The following PTBP2 variants were observed in gnomAD, a reference collection of about 807,000 sequenced individuals.
PTBP2 encodes polypyrimidine tract-binding protein 2.
PTBP2 carries 13 observed loss-of-function variants against 61.4 expected under a neutral mutation model. That is an observed-to-expected ratio of 0.21 (90% CI 0.14 to 0.34). The LOEUF is 0.34. PTBP2 is among the 10% of genes least tolerant of loss of function. PTBP2 has a pLI of 1.00. For missense variants in PTBP2, 405 were observed against 642.6 expected (o/e 0.63, Z 4.00); for synonymous variants, 215 against 218.5 (o/e 0.98, Z 0.14).
At chr1:96,757,975 G>A (rs928119213) in intron 3 of PTBP2, among the ~76,000 whole-genome samples, 1 of 151,948 alleles carries the variant, frequency 6.6e-6, no homozygotes, top group Non-Finnish European at 1.5e-5. Context: ...ATTTAAGACT[G>A]ACCAAGGAAA....
At chr1:96,808,851 A>G (rs143236735) in intron 11 of PTBP2, among the ~76,000 whole-genome samples, 93 of 152,152 alleles carry the variant, frequency 6.1e-4, no homozygotes, top group Non-Finnish European at 1.2e-4. Context: ...ACAAAACTCT[A>G]TGGTGTACTA....
Position 96,813,511 on chromosome 1 carries a change from T to G in PTBP2, c.*106T>G. Reference sequence around the variant, plus strand: ...GAGTTTGATTTTTTTTGTTTTTGTTTTTTTGGGGTTTCTTTTTTTTTTCCA... The same window carrying G: ...GAGTTTGATTTTTTTTGTTTTTGTTGTTTTGGGGTTTCTTTTTTTTTTCCA... On this transcript the variant is annotated 3_prime_UTR_variant, in exon 14 of 14. Transcript: ENST00000674951. The G allele has an allele frequency of 8.5e-7, 1 of 1,172,496 alleles. No individual in the cohort carries two copies. The highest frequency in any genetic ancestry group is 1.1e-6 in the Non-Finnish European group (1 of 873,654). The allele number at this position is 1,172,496 out of a possible 1,614,324, so 72.6% of individuals were successfully genotyped here.
intron 3 of PTBP2, among the ~76,000 whole-genome samples, chr1:96,764,785 A>G (rs569925577): frequency 1.3e-5 from 2 of 152,224 alleles, no homozygotes; most frequent in Non-Finnish European, 2.9e-5. Context: ...CTTATTTCAT[A>G]GTGTTACTAT....
At chr1:96,784,304 T>TG (rs140291594) in intron 7 of PTBP2, among the ~76,000 whole-genome samples, 6,812 of 152,164 alleles carry the variant, frequency 0.045, 470 homozygotes, top group African/African-American at 0.15. Context: ...TTAATAACCC[T>TG]TGAAGAAGCA....
chr1:96,763,895 T>TTTA lies in PTBP2; in HGVS notation c.116-5808_116-5807insTTA, dbSNP rs1224937112. Among the ~76,000 whole-genome samples the TTTA allele has an allele frequency of 3.3e-5, 5 of 152,290 alleles. No homozygotes were observed. The East Asian group carries it at 9.7e-4, about 29-fold the overall frequency. ...CTGTTGCTTATAAGAGCAAATAGCA[T>TTTA]AAAAGACCTTTAAAAATTGGTGATT... is the stretch of plus-strand genomic sequence containing the variant. On this transcript the variant is annotated intron_variant, in intron 3 of 13. Transcript: ENST00000674951.
chr1:96,769,092 G>A (rs1308947458), intron 3 of PTBP2, among the ~76,000 whole-genome samples: 2 of 151,972 alleles, frequency 1.3e-5, no homozygotes, highest in African/African-American at 4.8e-5. Context: ...GATACTCTCG[G>A]AGAAATGCAT....
intron 5 of PTBP2, among the ~76,000 whole-genome samples, chr1:96,777,312 T>C (rs955566199): frequency 6.6e-6 from 1 of 152,184 alleles, no homozygotes; most frequent in Non-Finnish European, 1.5e-5. Context: ...ATCTTGTTCT[T>C]TTGAGAATAA....
chr1:96,726,006 C>T (rs897068501), intron 2 of PTBP2, among the ~76,000 whole-genome samples: 2 of 127,584 alleles, frequency 1.6e-5, no homozygotes, highest in Non-Finnish European at 3.1e-5. Context: ...ACCTGCGAGG[C>T]AGAGGTTGCA....
intron 3 of PTBP2, among the ~76,000 whole-genome samples, chr1:96,759,760 T>C (rs1570820250): frequency 6.6e-6 from 1 of 152,204 alleles, no homozygotes; most frequent in Non-Finnish European, 1.5e-5. Context: ...GAGAATATAA[T>C]ATTTGTGTAT....
chr1:96,741,672 A>G (rs962703055), intron 2 of PTBP2, among the ~76,000 whole-genome samples: 18 of 152,122 alleles, frequency 1.2e-4, no homozygotes, highest in African/African-American at 4.3e-4. Context: ...TTTTCTTTTA[A>G]AAAAACATTT....
intron 8 of PTBP2, among the ~76,000 whole-genome samples, chr1:96,802,538 A>T (rs1385713674): frequency 6.6e-6 from 1 of 152,182 alleles, no homozygotes; most frequent in Non-Finnish European, 1.5e-5. Context: ...TTCCTGTTAG[A>T]ATTAAAAGTG....
At chr1:96,791,144 T>C (rs924417458) in intron 8 of PTBP2, among the ~76,000 whole-genome samples, 12 of 152,182 alleles carry the variant, frequency 7.9e-5, no homozygotes, top group African/African-American at 2.9e-4. Context: ...TAGGATGATA[T>C]GTACAATTAA....
chr1:96,799,430 C>G (rs61088284), intron 8 of PTBP2, among the ~76,000 whole-genome samples: 33,571 of 150,868 alleles, frequency 0.22, 4,165 homozygotes, highest in African/African-American at 0.34. Flanking sequence ...CGAGTAGCTG[C>G]TACTACAGGT....
At chr1:96,737,004 G>T (rs1018771022) in intron 2 of PTBP2, among the ~76,000 whole-genome samples, 2 of 150,760 alleles carry the variant, frequency 1.3e-5, no homozygotes, top group Non-Finnish European at 3.0e-5. Flanking sequence ...TTTTTAGACG[G>T]AGTCTCCCTT....
At position 96,813,575 on chromosome 1, in the gene PTBP2, A is replaced by C. The variant is rs144400179; in HGVS notation, c.*170A>C. Reference sequence around the variant, plus strand: ...CCTTGGTTATAAAATGAAATGGCATATGTAAAGGCAGAGTTGTTAACTGCT... The same window carrying C: ...CCTTGGTTATAAAATGAAATGGCATCTGTAAAGGCAGAGTTGTTAACTGCT... On this transcript the variant is annotated 3_prime_UTR_variant, in exon 14 of 14. Coordinates refer to ENST00000674951, the MANE Select transcript of PTBP2 (RefSeq NM_021190.4). 2.6e-4 allele frequency: 133 copies of C among 512,056 alleles called. 1 individual carries two copies. The East Asian group carries it at 4.8e-3, about 19-fold the overall frequency. The allele number at this position is 512,056 out of a possible 1,614,324, so 31.7% of individuals were successfully genotyped here. A position where few individuals can be genotyped will look rare whatever the true frequency, so the allele number is the denominator to read the frequency against.
At chr1:96,788,540 G>A (rs1198409391) in intron 8 of PTBP2, among the ~76,000 whole-genome samples, 2 of 151,980 alleles carry the variant, frequency 1.3e-5, no homozygotes, top group Non-Finnish European at 2.9e-5. Context: ...TTAATCAGAT[G>A]ACTTCAGCAA....
chr1:96,823,535 C>T (rs987053957), exon 14 of PTBP2: 1 of 152,090 alleles, frequency 6.6e-6, no homozygotes, highest in Non-Finnish European at 1.5e-5. Flanking sequence ...TTAAATACTA[C>T]TTGTAAAAGT....
intron 2 of PTBP2, among the ~76,000 whole-genome samples, chr1:96,750,174 T>A (rs543886488): frequency 1.3e-5 from 2 of 152,098 alleles, no homozygotes; most frequent in East Asian, 3.9e-4. Flanking sequence ...CCAGGTCTAA[T>A]CTTAGGATTA....
At chr1:96,722,885 TAGAA>T (rs1184985851) in intron 1 of PTBP2, among the ~76,000 whole-genome samples, 2 of 152,182 alleles carry the variant, frequency 1.3e-5, no homozygotes, top group Non-Finnish European at 2.9e-5. Context: ...AACTCAATGT[TAGAA>T]AGGGGGCACG....
Sources: allele counts gnomAD v4.1 joint callset (sites outside exome capture counted in the v4.1 genomes callset), GRCh38; gene constraint gnomAD v4.1.1; transcripts MANE v1.5; gene names NCBI Gene and HGNC (gene_info 2026-07-23, HGNC 2026-07-21).